Variants in SGCZ observed in about 807,000 individuals in gnomAD.
The protein encoded by SGCZ is sarcoglycan zeta, also known as zeta-sarcoglycan.
A neutral mutation model predicts 41.3 loss-of-function variants in SGCZ; 40 were observed. The ratio of observed to expected loss-of-function variants is 0.97; its 90% CI spans 0.75 to 1.26. The LOEUF is 1.26. SGCZ is among the 50% of genes most tolerant of loss of function. The probability of loss-of-function intolerance (pLI) is 0.00; values close to 1 mark genes in which losing one functional copy is unlikely to be tolerated. For missense variants in SGCZ, 552 were observed against 369.8 expected (o/e 1.49, Z -4.04); for synonymous variants, 206 against 137.5 (o/e 1.50, Z -3.49).
chr8:14,202,932 T>C (rs1044778268), intron 4 of SGCZ, among the ~76,000 whole-genome samples: 1 of 152,136 alleles, frequency 6.6e-6, no homozygotes. Context: ...CGGGAGGTGA[T>C]GGAATTATGG....
chr8:14,246,943 A>G (rs971469202), intron 3 of SGCZ, among the ~76,000 whole-genome samples: 1 of 149,254 alleles, frequency 6.7e-6, no homozygotes, highest in African/African-American at 2.5e-5. Context: ...TAAAACTTTT[A>G]TATTTGAAAT....
chr8:14,544,491 AGG>A (rs1246985960), intron 2 of SGCZ, among the ~76,000 whole-genome samples: 4 of 152,106 alleles, frequency 2.6e-5, no homozygotes, highest in Admixed American at 6.6e-5. Context: ...ACGTGCAAGT[AGG>A]AGAGATATTG....
intron 1 of SGCZ, among the ~76,000 whole-genome samples, chr8:14,994,719 C>A (rs973187881): frequency 1.3e-5 from 2 of 152,078 alleles, no homozygotes; most frequent in African/African-American, 4.8e-5. Flanking sequence ...GTCTACTCAT[C>A]TGACTCAATG....
intron 1 of SGCZ, among the ~76,000 whole-genome samples, chr8:15,181,114 T>A (rs550984539): frequency 1.3e-4 from 20 of 152,126 alleles, no homozygotes; most frequent in Non-Finnish European, 2.2e-4. Flanking sequence ...CAAGAACTTT[T>A]AATGAGAAAA....
chr8:14,954,190 C>T (rs1410399453), intron 1 of SGCZ, among the ~76,000 whole-genome samples: 1 of 152,072 alleles, frequency 6.6e-6, no homozygotes, highest in Non-Finnish European at 1.5e-5. Flanking sequence ...ATAAAAGATT[C>T]CTTAATTTAT....
intron 4 of SGCZ, among the ~76,000 whole-genome samples, chr8:14,221,407 C>T (rs754986388): frequency 6.6e-5 from 10 of 152,118 alleles, no homozygotes; most frequent in Non-Finnish European, 1.3e-4. Flanking sequence ...GTTGTTTTTG[C>T]TGTGTTGTGT....
intron 1 of SGCZ, among the ~76,000 whole-genome samples, chr8:14,604,203 ACTTATAGAAGAGGCTTCTT>A (rs1805676458): frequency 6.6e-6 from 1 of 152,132 alleles, no homozygotes; most frequent in African/African-American, 2.4e-5. Context: ...GTACAAATAG[ACTTATAGAAGAGGCTTCTT>A]CTTATAGAAG....
At chr8:15,062,146 G>A (rs763858256) in intron 1 of SGCZ, among the ~76,000 whole-genome samples, 1 of 151,912 alleles carries the variant, frequency 6.6e-6, no homozygotes, top group Non-Finnish European at 1.5e-5. Flanking sequence ...TTTCATATGT[G>A]ATCATTTCAC....
chr8:14,981,286 T>A (rs1801654665), intron 1 of SGCZ, among the ~76,000 whole-genome samples: 1 of 152,330 alleles, frequency 6.6e-6, no homozygotes, highest in South Asian at 2.1e-4. Context: ...TTCACATTCC[T>A]TATTATTATC....
intron 2 of SGCZ, among the ~76,000 whole-genome samples, chr8:14,446,474 A>T (rs7812923): frequency 2.0e-5 from 3 of 152,096 alleles, no homozygotes; most frequent in African/African-American, 7.2e-5. Context: ...AATAAATTGT[A>T]TAGAGATTCA....
At chr8:14,300,269 G>T (rs1263861657) in intron 3 of SGCZ, among the ~76,000 whole-genome samples, 1 of 150,654 alleles carries the variant, frequency 6.6e-6, no homozygotes, top group Non-Finnish European at 1.5e-5. Flanking sequence ...GAAAAAAGAA[G>T]GAAGGAAGGC....
intron 1 of SGCZ, among the ~76,000 whole-genome samples, chr8:14,650,211 T>G (rs1807352729): frequency 6.6e-6 from 1 of 151,972 alleles, no homozygotes; most frequent in Non-Finnish European, 1.5e-5. Context: ...TAACAGACAC[T>G]ACAGCCAGCA....
intron 1 of SGCZ, among the ~76,000 whole-genome samples, chr8:14,717,809 G>A (rs761246354): frequency 6.6e-6 from 1 of 151,802 alleles, no homozygotes; most frequent in Non-Finnish European, 1.5e-5. Context: ...ACATTATTTG[G>A]TTTCTTATTT....
intron 1 of SGCZ, among the ~76,000 whole-genome samples, chr8:15,220,322 T>G (rs560163463): frequency 6.6e-6 from 1 of 152,108 alleles, no homozygotes; most frequent in Non-Finnish European, 1.5e-5. Flanking sequence ...CTTATTCCAT[T>G]AAGTGTAAGA....
intron 5 of SGCZ, among the ~76,000 whole-genome samples, chr8:14,142,595 G>A (rs781761293): frequency 5.9e-5 from 9 of 152,120 alleles, no homozygotes; most frequent in Non-Finnish European, 1.0e-4. Flanking sequence ...TTTGCTTTCA[G>A]GTGTGGCTGG....
At chr8:15,115,060 G>A (rs572444775) in intron 1 of SGCZ, among the ~76,000 whole-genome samples, 8 of 152,156 alleles carry the variant, frequency 5.3e-5, no homozygotes, top group African/African-American at 1.9e-4. Context: ...AGTGTGGCAA[G>A]CTTAGCACCT....
chr8:14,360,554 G>A (rs551378148), intron 2 of SGCZ, among the ~76,000 whole-genome samples: 20 of 152,174 alleles, frequency 1.3e-4, no homozygotes, highest in East Asian at 5.8e-4. Flanking sequence ...TCGAACTCCT[G>A]ACTTCAGGTG....
chr8:14,991,967 C>T (rs1802028755), intron 1 of SGCZ, among the ~76,000 whole-genome samples: 1 of 150,976 alleles, frequency 6.6e-6, no homozygotes, highest in Non-Finnish European at 1.5e-5. Flanking sequence ...CTCATCCAAT[C>T]TACTCCCAAA....
At chr8:14,176,122 C>T (rs949053743) in intron 4 of SGCZ, among the ~76,000 whole-genome samples, 9 of 152,108 alleles carry the variant, frequency 5.9e-5, no homozygotes, top group African/African-American at 2.2e-4. Flanking sequence ...AATGCTTTCT[C>T]AGTAGTACAA....
Sources: gnomAD v4.1 joint callset for allele counts (sites outside exome capture counted in the v4.1 genomes callset) on GRCh38, gnomAD v4.1.1 for gene constraint, MANE v1.5 for transcripts, NCBI Gene and HGNC (gene_info 2026-07-23, HGNC 2026-07-21) for gene names.